POLR3B: variants seen among roughly 807,000 people sequenced by gnomAD.
POLR3B encodes DNA-directed RNA polymerase III subunit RPC2.
POLR3B carries 96 observed loss-of-function variants against 147.4 expected under a neutral mutation model. The ratio of observed to expected loss-of-function variants is 0.65; its 90% CI spans 0.55 to 0.77. The LOEUF is 0.77. Among genes scored for constraint, POLR3B ranks in the 30% least tolerant of loss-of-function variants. The pLI, the probability that POLR3B is intolerant of heterozygous loss-of-function variation, is 0.00. For synonymous variants in POLR3B, 461 were observed against 485.9 expected (o/e 0.95, Z 0.67); for missense variants, 1,036 against 1,413.5 (o/e 0.73, Z 4.28).
chr12:106,436,331 G>T (rs1315063569), intron 16 of POLR3B, among the ~76,000 whole-genome samples: 4 of 152,128 alleles, frequency 2.6e-5, no homozygotes, highest in Non-Finnish European at 4.4e-5. Context: ...GTTTCCTCAT[G>T]GTGGCAAAGC....
chr12:106,422,995 A>T (rs1019436906), intron 12 of POLR3B, among the ~76,000 whole-genome samples: 9 of 152,096 alleles, frequency 5.9e-5, no homozygotes, highest in African/African-American at 2.2e-4. Flanking sequence ...AAGATTTATA[A>T]TTTTATTCAT....
intron 10 of POLR3B, among the ~76,000 whole-genome samples, chr12:106,398,396 A>G (rs370701907): frequency 1.3e-5 from 2 of 152,272 alleles, no homozygotes; most frequent in South Asian, 2.1e-4. Flanking sequence ...TGTAGGCTCC[A>G]CCTCTGGGGG....
intron 23 of POLR3B, among the ~76,000 whole-genome samples, chr12:106,465,184 C>A (rs2037988420): frequency 6.6e-6 from 1 of 152,150 alleles, no homozygotes; most frequent in South Asian, 2.1e-4. Flanking sequence ...GTAACCTTAA[C>A]CTTATTCGCT....
At position 106,504,072 on chromosome 12, in the gene POLR3B, G is replaced by A. The variant is rs1285947460; in HGVS notation, c.3099-9G>A. 6.2e-7 allele frequency: 1 copy of A among 1,613,162 alleles called. No homozygotes were observed. Reference sequence around the variant, plus strand: ...TAATAACACATTTGTCTAATAACTTGTTTCAAAGGCAACCCACTGAAGGAC... The same window carrying A: ...TAATAACACATTTGTCTAATAACTTATTTCAAAGGCAACCCACTGAAGGAC... On this transcript the variant is annotated splice_polypyrimidine_tract_variant and intron_variant, in intron 26 of 27. Transcript: ENST00000228347. This position sits in a 1 kb window ranked among gnomAD's most constrained non-coding sequence, Gnocchi z 4.6.
intron 9 of POLR3B, among the ~76,000 whole-genome samples, chr12:106,382,789 G>A (rs772572572): frequency 1.2e-4 from 18 of 152,246 alleles, no homozygotes; most frequent in South Asian, 4.1e-4. Context: ...AGGGCCTTAC[G>A]ATTTTCGGAA....
chr12:106,435,275 C>T (rs1381254699), intron 16 of POLR3B, among the ~76,000 whole-genome samples: 1 of 150,334 alleles, frequency 6.7e-6, no homozygotes, highest in Non-Finnish European at 1.5e-5. Context: ...GACCCAGTAG[C>T]TGGGATTACA....
chr12:106,465,629 C>G (rs1321723717), intron 23 of POLR3B, among the ~76,000 whole-genome samples: 2 of 152,184 alleles, frequency 1.3e-5, no homozygotes, highest in Non-Finnish European at 2.9e-5. Flanking sequence ...CCACCCCAGG[C>G]AGGCCTCGGT....
At chr12:106,440,943 A>C (rs564821246) in intron 18 of POLR3B, among the ~76,000 whole-genome samples, 1 of 152,280 alleles carries the variant, frequency 6.6e-6, no homozygotes, top group South Asian at 2.1e-4. Context: ...AAAATCTAGA[A>C]GTTTTTGTAT....
chr12:106,497,326 A>T (rs1361298184), intron 25 of POLR3B, among the ~76,000 whole-genome samples: 1 of 151,874 alleles, frequency 6.6e-6, no homozygotes, highest in Admixed American at 6.6e-5. Flanking sequence ...AGAAAATCTA[A>T]CTTTAGAAAA....
Position 106,504,471 on chromosome 12 carries a change from C to T in POLR3B, c.3272+217C>T, listed in dbSNP as rs561876567. Among the ~76,000 whole-genome samples, 1 of 152,206 alleles carries T rather than the reference C, an allele frequency of 6.6e-6. No homozygotes were observed. Among genetic ancestry groups the T allele is most frequent in the South Asian group, 2.1e-4 (1 of 4,834 alleles). The stretch of plus-strand genomic sequence containing the variant: ...ACTTCCTACACAACTAGAGGCTAAG[C>T]TCCCAAGGAGTACAAACTTTACCTC... On this transcript the variant is annotated intron_variant, in intron 27 of 27. Coordinates refer to ENST00000228347, the MANE Select transcript of POLR3B (RefSeq NM_018082.6). The surrounding 1 kb of genome is among the most constrained non-coding windows in gnomAD (Gnocchi z 4.6).
At chr12:106,400,980 C>A (rs7294857) in intron 10 of POLR3B, among the ~76,000 whole-genome samples, 51,223 of 151,972 alleles carry the variant, frequency 0.34, 11,447 homozygotes, top group African/African-American at 0.64. Flanking sequence ...AATATCAGAG[C>A]AGAACTGAAG....
At position 106,498,544 on chromosome 12, in the gene POLR3B, TG is replaced by T. The variant is rs1323786251; in HGVS notation, c.2984+1627del. 2.0e-5 allele frequency among the ~76,000 whole-genome samples: 3 copies of T among 152,264 alleles called. 1 individual carries two copies. The highest frequency in any genetic ancestry group is 7.2e-5 in the African/African-American group (3 of 41,562). ...TAGTGTTCTTCTGGGTGTTGTTTTT[TG>T]TTTGGTTTTGGGAGTTTTTTTTGTT... On this transcript the variant is annotated intron_variant, in intron 25 of 27. Coordinates refer to ENST00000228347, the MANE Select transcript of POLR3B (RefSeq NM_018082.6).
At chr12:106,394,573 C>T (rs1215798316) in intron 10 of POLR3B, among the ~76,000 whole-genome samples, 1 of 152,114 alleles carries the variant, frequency 6.6e-6, no homozygotes, top group African/African-American at 2.4e-5. Flanking sequence ...CAGTGAAATC[C>T]GGTATGCAGT....
chr12:106,418,151 C>T (rs927207780), intron 12 of POLR3B, among the ~76,000 whole-genome samples: 10 of 152,246 alleles, frequency 6.6e-5, no homozygotes, highest in South Asian at 2.1e-4. Flanking sequence ...GCAGGCCAGC[C>T]GCCAGTAGAG....
At chr12:106,507,404 T>C (rs978961038) in intron 27 of POLR3B, among the ~76,000 whole-genome samples, 7 of 152,134 alleles carry the variant, frequency 4.6e-5, no homozygotes, top group Non-Finnish European at 4.4e-5. Flanking sequence ...TCAGTACATA[T>C]GGAAATTTAA....
At chr12:106,358,145 T>A in intron 1 of POLR3B, 194 bp downstream of exon 1, 1 of 1,458,722 alleles carries the variant, frequency 6.9e-7, no homozygotes, top group Middle Eastern at 2.5e-4. Flanking sequence ...TGAAGGCTGA[T>A]CCCAGAGGAG....
intron 1 of POLR3B, among the ~76,000 whole-genome samples, chr12:106,362,578 A>G: frequency 6.6e-6 from 1 of 152,128 alleles, no homozygotes; most frequent in East Asian, 1.9e-4. Flanking sequence ...CTCTACCTTC[A>G]TCTTCACATG....
rs564720779 is a variant in POLR3B at position 106,454,733 on chromosome 12, A to G, written c.2293+22A>G. 2.2e-6 allele frequency: 3 copies of G among 1,388,968 alleles called. No homozygotes were observed. In the East Asian group the frequency reaches 6.9e-5, roughly 32 times the overall value. The allele number at this position is 1,388,968 out of a possible 1,614,324, so 86.0% of individuals were successfully genotyped here. A position where few individuals can be genotyped will look rare whatever the true frequency, so the allele number is the denominator to read the frequency against. ...AGAGGTAAGTGAATTTTCAAAACTA[A>G]CACCAAAGTTGCTTTTTGCAGAATT... On this transcript the variant is annotated intron_variant, in intron 20 of 27. Coordinates refer to ENST00000228347, the MANE Select transcript of POLR3B (RefSeq NM_018082.6).
chr12:106,435,245 A>G (rs551191807), intron 16 of POLR3B, among the ~76,000 whole-genome samples: 5 of 150,556 alleles, frequency 3.3e-5, no homozygotes, highest in African/African-American at 1.2e-4. Context: ...CTCATGTCTC[A>G]GCTCCCCACC....
Sources: allele counts gnomAD v4.1 joint callset (sites outside exome capture counted in the v4.1 genomes callset), GRCh38; gene constraint gnomAD v4.1.1; non-coding constraint Gnocchi (gnomAD v3.1); transcripts MANE v1.5; gene names NCBI Gene and HGNC (gene_info 2026-07-23, HGNC 2026-07-21).